SLC9A1: variants seen among roughly 807,000 people sequenced by gnomAD.
SLC9A1 encodes sodium/hydrogen exchanger 1.
In SLC9A1, 22 loss-of-function variants were observed where a neutral mutation model predicts 67.9. The observed-to-expected ratio is 0.32, with a 90% CI of 0.23 to 0.46. SLC9A1 has a LOEUF of 0.46. Ranked by LOEUF, SLC9A1 falls within the 20% of genes least tolerant of loss-of-function variation. The probability of loss-of-function intolerance (pLI) is 1.00; values close to 1 mark genes in which losing one functional copy is unlikely to be tolerated. For synonymous variants in SLC9A1, 421 were observed against 471.8 expected (o/e 0.89, Z 1.40); for missense variants, 686 against 1,094.8 (o/e 0.63, Z 5.27).
chr1:27,113,734 A>T, intron 2 of SLC9A1, 92 bp downstream of exon 2: 3 of 959,068 alleles, frequency 3.1e-6, no homozygotes, highest in African/African-American at 1.6e-5. Flanking sequence ...TGTTTTTATT[A>T]CTGTTATTAG....
chr1:27,131,760 AAAAT>A (rs2083385959), intron 1 of SLC9A1, among the ~76,000 whole-genome samples: 1 of 149,240 alleles, frequency 6.7e-6, no homozygotes. Flanking sequence ...AAAAAAAAAA[AAAAT>A]TATCCAGGCA....
chr1:27,113,197 G>A (rs558507396), intron 2 of SLC9A1, among the ~76,000 whole-genome samples: 1 of 152,252 alleles, frequency 6.6e-6, no homozygotes, highest in East Asian at 1.9e-4. Context: ...GTTGGCTTAG[G>A]TCTGTAATCT....
intron 1 of SLC9A1, among the ~76,000 whole-genome samples, chr1:27,145,395 C>T (rs1030381974): frequency 3.3e-5 from 5 of 152,264 alleles, no homozygotes; most frequent in African/African-American, 1.2e-4. Flanking sequence ...CTGATTTCAG[C>T]TGACCTGCCT....
intron 1 of SLC9A1, among the ~76,000 whole-genome samples, chr1:27,149,130 TC>T (rs1332540919): frequency 4.0e-5 from 6 of 148,762 alleles, no homozygotes; most frequent in Non-Finnish European, 9.0e-5. Context: ...GGGACAGGGC[TC>T]CCACCAACGA....
In SLC9A1 at chr1:27,137,957, T is replaced by C. The variant is rs1376848481; in HGVS notation, c.352+16026A>G. ...CACTGCTGGCTTGGCCAGTGGTGCCTGTCGGGAAGCTTTACTCTGTTGCCC... is the reference window on the plus strand; with the variant it reads ...CACTGCTGGCTTGGCCAGTGGTGCCCGTCGGGAAGCTTTACTCTGTTGCCC... On this transcript the variant is annotated intron_variant, in intron 1 of 11. Transcript: ENST00000263980. This position sits in a 1 kb window ranked among gnomAD's most constrained non-coding sequence, Gnocchi z 4.6. 6.6e-6 allele frequency among the ~76,000 whole-genome samples: 1 copy of C among 152,232 alleles called. No homozygotes were observed. Among genetic ancestry groups the C allele is most frequent in the African/African-American group, 2.4e-5 (1 of 41,468 alleles).
intron 1 of SLC9A1, among the ~76,000 whole-genome samples, chr1:27,145,819 A>G (rs2083481478): frequency 6.6e-6 from 1 of 152,056 alleles, no homozygotes; most frequent in Non-Finnish European, 1.5e-5. Context: ...GGCCTAATAG[A>G]CCCCAAAATC....
Position 27,125,216 on chromosome 1 carries a change from T to TTTCC in SLC9A1, c.353-10934_353-10931dup, listed in dbSNP as rs370065525. 4.7e-3 allele frequency among the ~76,000 whole-genome samples: 702 copies of TTTCC among 149,704 alleles called. 6 individuals are homozygous for TTTCC. Among genetic ancestry groups the TTTCC allele is most frequent in the African/African-American group, 0.016 (644 of 40,216 alleles). ...AGCATCCAATCAGTCTCTCTTCTCTTTTCCTTCCTTCCTTTTCTTTCTTTT... is the reference window on the plus strand; with the variant it reads ...AGCATCCAATCAGTCTCTCTTCTCTTTTCCTTCCTTCCTTCCTTTTCTTTCTTTT... On this transcript the variant is annotated intron_variant, in intron 1 of 11. Transcript: ENST00000263980.
intron 1 of SLC9A1, among the ~76,000 whole-genome samples, chr1:27,116,997 C>G (rs563731669): frequency 2.4e-4 from 36 of 152,278 alleles, no homozygotes; most frequent in African/African-American, 8.2e-4. Flanking sequence ...ATTCCCTGAC[C>G]ACCACCTGTC....
chr1:27,138,948 A>G (rs114612938), intron 1 of SLC9A1, among the ~76,000 whole-genome samples: 2,736 of 152,188 alleles, frequency 0.018, 105 homozygotes, highest in African/African-American at 0.062. Flanking sequence ...CCGCAAGACC[A>G]TTCAGGAGGC....
rs2083124165 is a variant in SLC9A1, at chr1:27,099,553, A to G, written c.*754T>C. On this transcript the variant is annotated 3_prime_UTR_variant, in exon 12 of 12. Coordinates refer to ENST00000263980, the MANE Select transcript of SLC9A1 (RefSeq NM_003047.5). ...GAGCGCCCTCTGTGCAAACAATCATATATAGGAGTGTGAACAAACAAAACT... is the reference window on the plus strand; with the variant it reads ...GAGCGCCCTCTGTGCAAACAATCATGTATAGGAGTGTGAACAAACAAAACT... 6.5e-6 allele frequency: 1 copy of G among 152,706 alleles called. No homozygotes were observed. Among genetic ancestry groups the G allele is most frequent in the Non-Finnish European group, 1.5e-5 (1 of 68,134 alleles). 9.5% of individuals were successfully genotyped at this position (152,706 alleles called of 1,614,324 possible).
At chr1:27,139,387 C>T (rs2083439404) in intron 1 of SLC9A1, among the ~76,000 whole-genome samples, 1 of 152,182 alleles carries the variant, frequency 6.6e-6, no homozygotes, top group Non-Finnish European at 1.5e-5. Flanking sequence ...TTAATTATTC[C>T]CTGTTTCACT....
At chr1:27,117,953 T>A (rs1416662319) in intron 1 of SLC9A1, among the ~76,000 whole-genome samples, 1 of 152,104 alleles carries the variant, frequency 6.6e-6, no homozygotes, top group Non-Finnish European at 1.5e-5. Flanking sequence ...GCCATGCTAT[T>A]CCAGCCCTTG....
At chr1:27,139,387 CCT>C (rs1389244399) in intron 1 of SLC9A1, among the ~76,000 whole-genome samples, 15 of 152,300 alleles carry the variant, frequency 9.8e-5, no homozygotes, top group Middle Eastern at 3.4e-3. Flanking sequence ...TTAATTATTC[CCT>C]GTTTCACTTT....
rs2083186213 is a variant in SLC9A1, at chr1:27,106,568, G to A, written c.1283-481C>T. Among the ~76,000 whole-genome samples the A allele has an allele frequency of 6.6e-6, 1 of 152,094 alleles. No homozygotes were observed. Among genetic ancestry groups the A allele is most frequent in the African/African-American group, 2.4e-5 (1 of 41,392 alleles). The stretch of plus-strand genomic sequence containing the variant: ...CAGGAATAAAGGGGATTTCAAAAGT[G>A]CACCAAATAAATGTGAGGTCCTGCC... On this transcript the variant is annotated intron_variant, in intron 4 of 11. Transcript: ENST00000263980. The surrounding 1 kb of genome is among the most constrained non-coding windows in gnomAD (Gnocchi z 4.3).
At chr1:27,113,555 A>G (rs2083245011) in intron 2 of SLC9A1, among the ~76,000 whole-genome samples, 1 of 152,106 alleles carries the variant, frequency 6.6e-6, no homozygotes, top group Non-Finnish European at 1.5e-5. Context: ...TCAATCACAA[A>G]CTGGTTCATA....
In SLC9A1 at chr1:27,109,020, C is replaced by G. The variant is rs763998926; in HGVS notation, c.1064+507G>C. Among the ~76,000 whole-genome samples the G allele has an allele frequency of 5.9e-5, 9 of 152,138 alleles. No individual in the cohort carries two copies. The highest frequency in any genetic ancestry group is 8.8e-5 in the Non-Finnish European group (6 of 68,018). On this transcript the variant is annotated intron_variant, in intron 3 of 11. Coordinates refer to ENST00000263980, the MANE Select transcript of SLC9A1 (RefSeq NM_003047.5). This position sits in a 1 kb window ranked among gnomAD's most constrained non-coding sequence, Gnocchi z 5.5. ...TGAACCCCAGTTCTGCCTTGCTCGG[C>G]ACTGGAACACCTTCACCCCTCACTG...
chr1:27,102,510 G>A lies in SLC9A1; in HGVS notation c.1695C>T (p.Gly565=), dbSNP rs144261466. The A allele has an allele frequency of 3.0e-5, 49 of 1,609,508 alleles. No homozygotes were observed. The highest frequency in any genetic ancestry group is 5.0e-5 in the Admixed American group (3 of 59,930). The change falls in exon 8 of 12, where the codon GGC becomes GGT. Residue 565 remains glycine, a synonymous_variant. Transcript: ENST00000263980. ...KKYVKKCLIA[G]ERSKEPQLIA... is the part of the protein sequence containing the mutation. ...TGAGCTGGGGCTCCTTGGAGCGCTCGCCAGCTATCAGACACTTCTTCACAT... is the reference window on the plus strand; with the variant it reads ...TGAGCTGGGGCTCCTTGGAGCGCTCACCAGCTATCAGACACTTCTTCACAT...
chr1:27,107,131 C>A (rs1334551609), intron 4 of SLC9A1, among the ~76,000 whole-genome samples: 1 of 32,048 alleles, frequency 3.1e-5, no homozygotes, highest in Non-Finnish European at 7.1e-5. Flanking sequence ...AGGCCCTCTA[C>A]ACACACACAC....
chr1:27,127,118 AG>A (rs2083350416), intron 1 of SLC9A1, among the ~76,000 whole-genome samples: 1 of 152,166 alleles, frequency 6.6e-6, no homozygotes, highest in Non-Finnish European at 1.5e-5. Flanking sequence ...CTCTCACCTC[AG>A]CCCCCCATGT....
Sources: gnomAD v4.1 joint callset for allele counts (sites outside exome capture counted in the v4.1 genomes callset) on GRCh38, gnomAD v4.1.1 for gene constraint, Gnocchi (gnomAD v3.1) non-coding constraint, MANE v1.5 for transcripts, NCBI Gene and HGNC (gene_info 2026-07-23, HGNC 2026-07-21) for gene names.